OSBPL10: variants seen among roughly 807,000 people sequenced by gnomAD.
OSBPL10 encodes the protein oxysterol binding protein like 10.
A neutral mutation model predicts 81.7 loss-of-function variants in OSBPL10; 49 were observed. That is an observed-to-expected ratio of 0.60 (90% confidence interval 0.48 to 0.76). The LOEUF is 0.76. OSBPL10 is among the 30% of genes least tolerant of loss of function. OSBPL10 has a pLI of 0.00. For missense variants in OSBPL10, 923 were observed against 987.8 expected, an observed-to-expected ratio of 0.93 and a Z score of 0.88; for synonymous variants, 419 against 383.6, an observed-to-expected ratio of 1.09 and a Z score of -1.08.
chr3:31,855,328 T>G (rs964558273), intron 3 of OSBPL10, among the ~76,000 whole-genome samples: 1 of 152,218 alleles, frequency 6.6e-6, no homozygotes, highest in Non-Finnish European at 1.5e-5. Context: ...TGAGTTGTCA[T>G]GTATCTTTAG....
chr3:31,827,393 T>C (rs1006582456), intron 4 of OSBPL10, among the ~76,000 whole-genome samples: 3 of 152,022 alleles, frequency 2.0e-5, no homozygotes, highest in African/African-American at 7.2e-5. Context: ...TCCCAGCACT[T>C]TGGGAGGCTG....
intron 4 of OSBPL10, among the ~76,000 whole-genome samples, chr3:31,829,104 C>T (rs75881157): frequency 0.01 from 1,586 of 152,172 alleles, 24 homozygotes; most frequent in African/African-American, 0.035. Context: ...TAAAGCCAGA[C>T]GCATGCTAAC....
At chr3:31,737,790 G>A (rs982833581) in intron 5 of OSBPL10, among the ~76,000 whole-genome samples, 4 of 151,940 alleles carry the variant, frequency 2.6e-5, no homozygotes, top group Non-Finnish European at 5.9e-5. Context: ...TCAGGAGTTC[G>A]AGACCAGCCT....
intron 1 of OSBPL10, among the ~76,000 whole-genome samples, chr3:31,972,397 A>G (rs1698590245): frequency 6.6e-6 from 1 of 152,086 alleles, no homozygotes; most frequent in African/African-American, 2.4e-5. Flanking sequence ...TCAAAAAGAA[A>G]AAAGAAAGTT....
Position 31,915,399 on chromosome 3 carries a change from G to A in OSBPL10, c.282-35569C>T, listed in dbSNP as rs75408946. 0.018 allele frequency among the ~76,000 whole-genome samples: 2,674 copies of A among 151,920 alleles called. 237 individuals are homozygous for A. In the East Asian group the frequency reaches 0.27, roughly 15 times the overall value. ...ATGGTGGACTGGATATATAAAATGT[G>A]GTACACATATATCATGGAATACTAC... On this transcript the variant is annotated intron_variant, in intron 1 of 11. Coordinates refer to ENST00000396556, the MANE Select transcript of OSBPL10 (RefSeq NM_017784.5).
At chr3:31,977,212 A>G (rs1698717241) in intron 1 of OSBPL10, among the ~76,000 whole-genome samples, 1 of 152,112 alleles carries the variant, frequency 6.6e-6, no homozygotes, top group Admixed American at 6.5e-5. Context: ...ATCAAGAGTT[A>G]TTCTTGCCCC....
intron 1 of OSBPL10, among the ~76,000 whole-genome samples, chr3:31,931,919 A>G (rs891932172): frequency 3.9e-5 from 6 of 152,116 alleles, no homozygotes; most frequent in Admixed American, 1.3e-4. Flanking sequence ...GTGTGTGCCT[A>G]TGGTCCCAGC....
chr3:31,705,870 G>A (rs1341833551), intron 6 of OSBPL10, among the ~76,000 whole-genome samples: 1 of 152,108 alleles, frequency 6.6e-6, no homozygotes, highest in Non-Finnish European at 1.5e-5. Flanking sequence ...AAATATGAAT[G>A]TGAGAAACGG....
rs934346477 is a variant in OSBPL10 at position 31,663,210 on chromosome 3, G to A, written c.2250+869C>T. On this transcript the variant is annotated intron_variant, in intron 11 of 11. Coordinates refer to ENST00000396556, the MANE Select transcript of OSBPL10 (RefSeq NM_017784.5). ...CACAGATACATTTTGATTGCCTACT[G>A]GTATTTAAATTTTTTTAAATCTTTG... The A allele has an allele frequency of 6.1e-6, 6 of 984,778 alleles. No homozygotes were observed. In the South Asian group the frequency reaches 1.9e-4, roughly 31 times the overall value. The allele number at this position is 984,778 out of a possible 1,614,324, so 61.0% of individuals were successfully genotyped here.
At chr3:31,705,808 A>G (rs1474158876) in intron 6 of OSBPL10, among the ~76,000 whole-genome samples, 2 of 152,150 alleles carry the variant, frequency 1.3e-5, no homozygotes, top group Non-Finnish European at 2.9e-5. Context: ...AAACAGTAAC[A>G]ACTCTCTCAA....
In OSBPL10 at chr3:31,694,585, C is replaced by T. The variant is rs1004590268; in HGVS notation, c.1245+7774G>A. Among the ~76,000 whole-genome samples the T allele has an allele frequency of 5.3e-5, 8 of 152,044 alleles. 1 individual carries two copies. The highest frequency in any genetic ancestry group is 3.9e-4 in the Admixed American group (6 of 15,264). ...TGCCATCAGCAAGGAGTTGGGGTAT[C>T]ATTTTTACCCTGTATACACTAAATA... On this transcript the variant is annotated intron_variant, in intron 7 of 11. Transcript: ENST00000396556.
At chr3:31,909,985 T>G (rs1182913646) in intron 1 of OSBPL10, among the ~76,000 whole-genome samples, 1 of 146,894 alleles carries the variant, frequency 6.8e-6, no homozygotes, top group African/African-American at 2.5e-5. Context: ...TCCTGGCCTT[T>G]TTTTTTTTTT....
intron 1 of OSBPL10, among the ~76,000 whole-genome samples, chr3:31,925,721 G>A (rs1438606926): frequency 6.6e-6 from 1 of 152,106 alleles, no homozygotes; most frequent in Non-Finnish European, 1.5e-5. Flanking sequence ...GCTGAAGCAG[G>A]AGAAGTGCAT....
intron 6 of OSBPL10, among the ~76,000 whole-genome samples, chr3:31,727,393 GAA>G (rs11349085): frequency 6.9e-5 from 10 of 144,144 alleles, no homozygotes; most frequent in African/African-American, 1.8e-4. Flanking sequence ...TGATTCAAAG[GAA>G]AAAAAAAAAG....
At chr3:31,757,600 C>T (rs1697925998) in intron 4 of OSBPL10, among the ~76,000 whole-genome samples, 1 of 152,232 alleles carries the variant, frequency 6.6e-6, no homozygotes, top group South Asian at 2.1e-4. Flanking sequence ...AACTAAGAAA[C>T]ACATCACAGA....
At chr3:31,726,171 G>A (rs529802266) in intron 6 of OSBPL10, among the ~76,000 whole-genome samples, 1 of 152,240 alleles carries the variant, frequency 6.6e-6, no homozygotes, top group South Asian at 2.1e-4. Flanking sequence ...TCCACAGCCG[G>A]GGAGGGTGAC....
intron 4 of OSBPL10, among the ~76,000 whole-genome samples, chr3:31,762,191 A>T (rs75890981): frequency 2.6e-5 from 4 of 152,184 alleles, no homozygotes; most frequent in Non-Finnish European, 5.9e-5. Flanking sequence ...CTAAAGCTCA[A>T]GGTCTGGTTT....
chr3:31,913,020 C>G (rs1277373918), intron 1 of OSBPL10, among the ~76,000 whole-genome samples: 2 of 152,174 alleles, frequency 1.3e-5, no homozygotes, highest in African/African-American at 4.8e-5. Flanking sequence ...ACACATATAC[C>G]CACACACCCG....
At chr3:31,895,028 T>A (rs1696010772) in intron 1 of OSBPL10, among the ~76,000 whole-genome samples, 1 of 152,066 alleles carries the variant, frequency 6.6e-6, no homozygotes, top group African/African-American at 2.4e-5. Context: ...GGAAGGAGCA[T>A]GGGTCTCTGA....
Sources: gnomAD v4.1 joint callset for allele counts (sites outside exome capture counted in the v4.1 genomes callset) on GRCh38, gnomAD v4.1.1 for gene constraint, MANE v1.5 for transcripts, NCBI Gene and HGNC (gene_info 2026-07-23, HGNC 2026-07-21) for gene names.